Variants in PTPRD observed in about 807,000 individuals in gnomAD.
The protein encoded by PTPRD is protein tyrosine phosphatase receptor type D, also known as receptor-type tyrosine-protein phosphatase delta.
PTPRD carries 34 observed loss-of-function variants against 214.5 expected under a neutral mutation model. That is an observed-to-expected ratio of 0.16 (90% CI 0.12 to 0.21). The LOEUF is 0.21. Ranked by LOEUF, PTPRD falls within the 10% of genes least tolerant of loss-of-function variation. The pLI, the probability that PTPRD is intolerant of heterozygous loss-of-function variation, is 1.00. For synonymous variants in PTPRD, 1,128 were observed against 845.7 expected (o/e 1.33, Z -5.79); for missense variants, 2,545 against 2,398.7 (o/e 1.06, Z -1.27).
chr9:9,997,719 C>A (rs2096176643), intron 4 of PTPRD, among the ~76,000 whole-genome samples: 1 of 151,964 alleles, frequency 6.6e-6, no homozygotes, highest in Non-Finnish European at 1.5e-5. Context: ...AGCAGAAAGG[C>A]AGCTTGAAAA....
At chr9:8,940,444 A>G (rs1273078282) in intron 11 of PTPRD, among the ~76,000 whole-genome samples, 1 of 24,126 alleles carries the variant, frequency 4.1e-5, no homozygotes, top group Admixed American at 7.4e-4. Flanking sequence ...CACCACTCCC[A>G]GCTTTTTTTT....
chr9:10,169,334 C>T (rs973008380), intron 3 of PTPRD, among the ~76,000 whole-genome samples: 14 of 151,334 alleles, frequency 9.3e-5, no homozygotes, highest in South Asian at 2.1e-4. Context: ...ATTAGCCGGG[C>T]GTGGTGGCGG....
intron 10 of PTPRD, among the ~76,000 whole-genome samples, chr9:9,181,416 C>G (rs566792212): frequency 9.7e-4 from 148 of 151,874 alleles, no homozygotes; most frequent in African/African-American, 3.3e-3. Context: ...AAATATGCTG[C>G]CTGTTTCCAT....
intron 3 of PTPRD, among the ~76,000 whole-genome samples, chr9:10,324,737 C>A (rs1483955376): frequency 6.6e-6 from 1 of 151,936 alleles, no homozygotes; most frequent in Admixed American, 6.6e-5. Context: ...TTTTGTATAA[C>A]CATTATTAGA....
chr9:8,596,482 C>T (rs754851880), intron 14 of PTPRD, among the ~76,000 whole-genome samples: 2 of 151,796 alleles, frequency 1.3e-5, no homozygotes, highest in Non-Finnish European at 2.9e-5. Flanking sequence ...GAATAAGCAT[C>T]GTTAACACAT....
At chr9:9,876,926 T>C (rs1439211709) in intron 5 of PTPRD, among the ~76,000 whole-genome samples, 4 of 152,214 alleles carry the variant, frequency 2.6e-5, no homozygotes, top group Admixed American at 2.6e-4. Flanking sequence ...ATTATTTAAA[T>C]AGACTAATTT....
At chr9:9,806,190 C>A (rs554953043) in intron 5 of PTPRD, among the ~76,000 whole-genome samples, 1 of 152,152 alleles carries the variant, frequency 6.6e-6, no homozygotes, top group Admixed American at 6.5e-5. Context: ...CAATTCACCC[C>A]CAGGAATGTC....
chr9:9,452,302 A>C (rs1041095969), intron 8 of PTPRD, among the ~76,000 whole-genome samples: 2 of 151,472 alleles, frequency 1.3e-5, no homozygotes, highest in Non-Finnish European at 3.0e-5. Flanking sequence ...GGAATTCTAT[A>C]CTCATTAAAA....
intron 9 of PTPRD, among the ~76,000 whole-genome samples, chr9:9,395,433 C>T (rs1378949503): frequency 2.0e-5 from 3 of 152,114 alleles, no homozygotes; most frequent in South Asian, 2.1e-4. Flanking sequence ...CCAGGTCTAA[C>T]TAGCCTTTTC....
At chr9:10,497,644 G>A (rs1158924761) in intron 2 of PTPRD, among the ~76,000 whole-genome samples, 9 of 151,750 alleles carry the variant, frequency 5.9e-5, no homozygotes, top group East Asian at 1.9e-4. Context: ...ATGCAATGGC[G>A]GATATGCTAA....
chr9:10,265,535 C>T (rs1421665445), intron 3 of PTPRD, among the ~76,000 whole-genome samples: 1 of 152,166 alleles, frequency 6.6e-6, no homozygotes. Context: ...AAAACTTACT[C>T]TGTAAAGGGC....
chr9:9,089,549 T>C (rs2099772490), intron 10 of PTPRD, among the ~76,000 whole-genome samples: 1 of 152,236 alleles, frequency 6.6e-6, no homozygotes, highest in South Asian at 2.1e-4. Context: ...ACTCATAGTA[T>C]GCAAGGGCCT....
chr9:8,581,565 A>G (rs376578425), intron 14 of PTPRD, among the ~76,000 whole-genome samples: 20 of 151,938 alleles, frequency 1.3e-4, no homozygotes, highest in East Asian at 1.2e-3. Flanking sequence ...TGGCTAACAC[A>G]GTGAAACCCC....
chr9:10,202,679 T>G (rs948483500), intron 3 of PTPRD, among the ~76,000 whole-genome samples: 4 of 142,776 alleles, frequency 2.8e-5, no homozygotes, highest in African/African-American at 1.0e-4. Flanking sequence ...TGGATATATA[T>G]ATATATATAT....
At chr9:8,843,370 C>T (rs923066685) in intron 11 of PTPRD, among the ~76,000 whole-genome samples, 12 of 152,272 alleles carry the variant, frequency 7.9e-5, no homozygotes, top group South Asian at 2.1e-4. Context: ...CTAGAGTCAA[C>T]GAGTATTCTA....
At chr9:10,357,910 T>C (rs1245462418) in intron 2 of PTPRD, among the ~76,000 whole-genome samples, 1 of 152,112 alleles carries the variant, frequency 6.6e-6, no homozygotes, top group African/African-American at 2.4e-5. Context: ...AGAAATCAGA[T>C]GGCTATTCCA....
intron 8 of PTPRD, among the ~76,000 whole-genome samples, chr9:9,526,450 T>G (rs1025737791): frequency 1.3e-5 from 2 of 152,194 alleles, no homozygotes; most frequent in Non-Finnish European, 2.9e-5. Flanking sequence ...TAAAAATAAA[T>G]ATTTTATATT....
intron 5 of PTPRD, among the ~76,000 whole-genome samples, chr9:9,820,366 T>C (rs1172948131): frequency 2.6e-5 from 4 of 152,168 alleles, no homozygotes; most frequent in Admixed American, 2.6e-4. Context: ...TTCAGTTCCT[T>C]GTAGATTGTG....
At chr9:8,842,915 C>T (rs1043569678) in intron 11 of PTPRD, among the ~76,000 whole-genome samples, 1 of 152,164 alleles carries the variant, frequency 6.6e-6, no homozygotes, top group Non-Finnish European at 1.5e-5. Context: ...ACTTGCTCTG[C>T]GCTGCACATG....
Sources: allele counts gnomAD v4.1 joint callset (sites outside exome capture counted in the v4.1 genomes callset), GRCh38; gene constraint gnomAD v4.1.1; transcripts MANE v1.5; gene names NCBI Gene and HGNC (gene_info 2026-07-23, HGNC 2026-07-21).